The following WDR26 variants were observed in gnomAD, a reference collection of about 807,000 sequenced individuals.
WDR26 encodes the protein WD repeat-containing protein 26.
WDR26 carries 5 observed loss-of-function variants against 84.1 expected under a neutral mutation model. The ratio of observed to expected loss-of-function variants is 0.06; its 90% confidence interval spans 0.03 to 0.13. The LOEUF is 0.13. Ranked by LOEUF, WDR26 falls within the 10% of genes least tolerant of loss-of-function variation. The pLI, the probability that WDR26 is intolerant of heterozygous loss-of-function variation, is 1.00. For missense variants in WDR26, 642 were observed against 974.9 expected, an observed-to-expected ratio of 0.66 and a Z score of 4.55; for synonymous variants, 415 against 389.6, an observed-to-expected ratio of 1.07 and a Z score of -0.77.
intron 7 of WDR26, among the ~76,000 whole-genome samples, chr1:224,410,088 C>T (rs1349661367): frequency 6.6e-6 from 1 of 151,844 alleles, no homozygotes; most frequent in East Asian, 1.9e-4. Context: ...TGAGACCAGT[C>T]TGGCCAACAT....
intron 3 of WDR26, among the ~76,000 whole-genome samples, chr1:224,427,103 C>CTAAAAAAAA (rs769063024): frequency 3.3e-5 from 3 of 91,158 alleles, no homozygotes; most frequent in African/African-American, 1.3e-4. Context: ...AACTCTGTCT[C>CTAAAAAAAA]CAAAAAAAAA....
At chr1:224,421,685 TTTGGGAAGCCAAG>T (rs929850685) in intron 4 of WDR26, among the ~76,000 whole-genome samples, 2 of 152,176 alleles carry the variant, frequency 1.3e-5, no homozygotes, top group African/African-American at 4.8e-5. Context: ...AACCTAGCAC[TTTGGGAAGCCAAG>T]GTGGGAGGAC....
intron 7 of WDR26, among the ~76,000 whole-genome samples, chr1:224,407,451 T>C (rs1482172362): frequency 6.7e-6 from 1 of 148,476 alleles, no homozygotes; most frequent in African/African-American, 2.5e-5. Flanking sequence ...TACTTTTTTC[T>C]CTCCATTAAA....
At chr1:224,411,819 C>T (rs1051278733) in intron 6 of WDR26, among the ~76,000 whole-genome samples, 2 of 151,956 alleles carry the variant, frequency 1.3e-5, no homozygotes, top group Non-Finnish European at 2.9e-5. Flanking sequence ...GACTCTCCCA[C>T]CTCAGCTTCC....
At chr1:224,403,244 G>T (rs1673464214) in intron 8 of WDR26, among the ~76,000 whole-genome samples, 1 of 152,034 alleles carries the variant, frequency 6.6e-6, no homozygotes, top group African/African-American at 2.4e-5. Context: ...TAGAGACGGG[G>T]TTTCACCATC....
intron 6 of WDR26, chr1:224,412,888 A>C (rs1234642694): frequency 6.6e-6 from 1 of 152,564 alleles, no homozygotes; most frequent in Non-Finnish European, 1.5e-5. Flanking sequence ...TCTGTATTAT[A>C]AAAAACGTTA....
At chr1:224,407,141 A>T (rs1364298269) in intron 7 of WDR26, among the ~76,000 whole-genome samples, 520 of 35,400 alleles carry the variant, frequency 0.015, 13 homozygotes, top group African/African-American at 0.039. Context: ...AAAAAAAAAA[A>T]AAAAAAAAAA....
intron 7 of WDR26, among the ~76,000 whole-genome samples, chr1:224,409,539 G>C (rs555957006): frequency 6.6e-6 from 1 of 152,232 alleles, no homozygotes; most frequent in East Asian, 1.9e-4. Context: ...AAGAATTGGT[G>C]TATGCTCTCA....
chr1:224,391,550 A>G (rs1673128841), intron 13 of WDR26, among the ~76,000 whole-genome samples: 1 of 152,096 alleles, frequency 6.6e-6, no homozygotes, highest in South Asian at 2.1e-4. Flanking sequence ...CTTCAGAGAC[A>G]GGGTCTCATT....
chr1:224,424,332 A>G (rs1674151343), intron 4 of WDR26, among the ~76,000 whole-genome samples, 186 bp downstream of exon 4: 1 of 152,224 alleles, frequency 6.6e-6, no homozygotes, highest in Non-Finnish European at 1.5e-5. Flanking sequence ...CCACTTAAAT[A>G]TATCTCTATC....
At chr1:224,395,195 A>G (rs73125517) in intron 12 of WDR26, among the ~76,000 whole-genome samples, 32 of 152,304 alleles carry the variant, frequency 2.1e-4, no homozygotes, top group African/African-American at 7.5e-4. Context: ...TACTAACCTC[A>G]TATCATGTTG....
chr1:224,407,151 A>AAAAAAAAAAAATATATATATAT, intron 7 of WDR26, among the ~76,000 whole-genome samples: 1 of 11,876 alleles, frequency 8.4e-5, no homozygotes, highest in Non-Finnish European at 1.4e-4. Flanking sequence ...AAAAAAAAAA[A>AAAAAAAAAAAATATATATATAT]ATATATATAT....
chr1:224,393,562 T>G (rs981002775), intron 13 of WDR26, among the ~76,000 whole-genome samples: 33 of 152,194 alleles, frequency 2.2e-4, no homozygotes, highest in Non-Finnish European at 8.8e-5. Context: ...ATTTTTAAAG[T>G]GAAACTACTA....
At chr1:224,415,112 G>A (rs992436220) in intron 6 of WDR26, among the ~76,000 whole-genome samples, 2 of 152,152 alleles carry the variant, frequency 1.3e-5, no homozygotes, top group Non-Finnish European at 1.5e-5. Flanking sequence ...TGTATATAAC[G>A]TAATGTCTGA....
intron 7 of WDR26, among the ~76,000 whole-genome samples, chr1:224,405,051 T>C (rs1038525221): frequency 1.3e-5 from 2 of 152,154 alleles, no homozygotes; most frequent in Non-Finnish European, 2.9e-5. Flanking sequence ...ATTCTCATCA[T>C]TTCCCAAAGA....
rs1673399471 is a variant in WDR26 at position 224,401,072 on chromosome 1, A to G, written c.1600-3T>C. Reference sequence around the variant, plus strand: ...ATTTTTGTCCTTAGTTCTCCTGTCTATAAGGAAATAAAACTGTAAATGAGA... The same window carrying G: ...ATTTTTGTCCTTAGTTCTCCTGTCTGTAAGGAAATAAAACTGTAAATGAGA... On this transcript the variant is annotated splice_polypyrimidine_tract_variant and splice_region_variant and intron_variant, in intron 8 of 13. Transcript: ENST00000414423. 2.5e-6 allele frequency: 4 copies of G among 1,612,724 alleles called. No individual in the cohort carries two copies. Among genetic ancestry groups the G allele is most frequent in the Non-Finnish European group, 3.4e-6 (4 of 1,179,438 alleles).
intron 10 of WDR26, 129 bp from the exon 11 acceptor site, chr1:224,398,722 A>C (rs908377691): frequency 1.2e-5 from 14 of 1,171,110 alleles, no homozygotes; most frequent in Middle Eastern, 2.0e-4. Context: ...ACTATACTTC[A>C]ATTGAGAAGA....
At chr1:224,414,867 A>T (rs10916614) in intron 6 of WDR26, among the ~76,000 whole-genome samples, 1 of 151,910 alleles carries the variant, frequency 6.6e-6, no homozygotes, top group Admixed American at 6.6e-5. Context: ...CAAAGCAAAA[A>T]AGTTTTTTTT....
At chr1:224,393,009 A>G (rs949657107) in intron 13 of WDR26, among the ~76,000 whole-genome samples, 1 of 152,126 alleles carries the variant, frequency 6.6e-6, no homozygotes, top group African/African-American at 2.4e-5. Context: ...TATTTAAGAG[A>G]GTCATTTACA....
Sources: gnomAD v4.1 joint callset for allele counts (sites outside exome capture counted in the v4.1 genomes callset) on GRCh38, gnomAD v4.1.1 for gene constraint, MANE v1.5 for transcripts, NCBI Gene and HGNC (gene_info 2026-07-23, HGNC 2026-07-21) for gene names.